The following GUCY2F variants were observed in gnomAD, a reference collection of about 807,000 sequenced individuals.
The protein encoded by GUCY2F is retinal guanylyl cyclase 2.
Under a neutral mutation model 73.1 loss-of-function variants are expected in GUCY2F, and 61 were observed. The observed-to-expected ratio is 0.83, with a 90% CI of 0.68 to 1.03. GUCY2F has a LOEUF of 1.03. Among genes scored for constraint, GUCY2F ranks in the 50% least tolerant of loss-of-function variants. The probability of loss-of-function intolerance (pLI) is 0.00; values close to 1 mark genes in which losing one functional copy is unlikely to be tolerated. For missense variants in GUCY2F, 912 were observed against 854.3 expected (o/e 1.07, Z -0.84); for synonymous variants, 331 against 307.8 (o/e 1.08, Z -0.79).
chrX:109,411,247 T>A (rs1402144900), intron 8 of GUCY2F, among the ~76,000 whole-genome samples: 1 of 86,199 alleles, frequency 1.2e-5, no homozygotes, highest in African/African-American at 4.8e-5. Flanking sequence ...TCATAGTTAC[T>A]CCATTTTCAA....
At chrX:109,442,380 C>G (rs1931894460) in intron 6 of GUCY2F, among the ~76,000 whole-genome samples, 1 of 111,090 alleles carries the variant, frequency 9.0e-6, no homozygotes, top group Non-Finnish European at 1.9e-5. Flanking sequence ...GTGCCCCTAC[C>G]CTCAACTCCA....
At chrX:109,381,265 C>T (rs1283254277) in intron 17 of GUCY2F, among the ~76,000 whole-genome samples, 1 of 112,125 alleles carries the variant, frequency 8.9e-6, no homozygotes, top group Non-Finnish European at 1.9e-5. Context: ...AAAATAGTCA[C>T]TGAGAAAATC....
chrX:109,448,221 A>G, intron 5 of GUCY2F, 56 bp from the exon 6 acceptor site: 1 of 619,224 alleles, frequency 1.6e-6, no homozygotes, highest in Non-Finnish European at 2.7e-6. Context: ...TGGCAAAGCC[A>G]GGGTTAATTT....
chrX:109,465,258 C>T lies in GUCY2F; in HGVS notation c.916G>A (p.Glu306Lys), dbSNP rs1932443044. 1 of 1,209,805 alleles carries T rather than the reference C, an allele frequency of 8.3e-7. No homozygotes were observed. The highest frequency in any genetic ancestry group is 1.1e-6 in the Non-Finnish European group (1 of 893,781). The change falls in exon 3 of 20, where the codon GAA becomes AAA. Residue 306 changes from glutamate (E) to lysine (K), a missense_variant. Glu to Lys is a moderately conservative substitution (Grantham distance 56). Coordinates refer to ENST00000218006, the MANE Select transcript of GUCY2F (RefSeq NM_001522.3). ...ATGGTCAACACTGCATCATAGGCTT[C>T]CCGGAGCTTTGGGTTGTTCCTTAGG... Reference protein sequence around the residue: ...RVLRNNPKLREAYDAVLTITV... With the variant: ...RVLRNNPKLRKAYDAVLTITV...
intron 12 of GUCY2F, among the ~76,000 whole-genome samples, chrX:109,394,581 A>T (rs764223606): frequency 4.0e-4 from 45 of 112,209 alleles, no homozygotes; most frequent in Non-Finnish European, 7.1e-4. Flanking sequence ...CTGACACAGC[A>T]CTCATGGTGA....
chrX:109,433,056 G>T (rs1168154177), intron 7 of GUCY2F, among the ~76,000 whole-genome samples: 2 of 112,016 alleles, frequency 1.8e-5, no homozygotes, highest in Admixed American at 1.9e-4. Flanking sequence ...TGCCCACTTT[G>T]GTACCACTCA....
intron 11 of GUCY2F, among the ~76,000 whole-genome samples, chrX:109,397,046 A>T (rs778420988): frequency 1.8e-5 from 2 of 112,153 alleles, no homozygotes; most frequent in Admixed American, 1.9e-4. Flanking sequence ...TGAGATAGGC[A>T]CTTGTGAGTA....
In GUCY2F at chrX:109,466,400, C is replaced by T. The variant is rs1054339665; in HGVS notation, c.731-957G>A. On this transcript the variant is annotated intron_variant, in intron 2 of 19. Transcript: ENST00000218006. The stretch of plus-strand genomic sequence containing the variant: ...TGTCCAACTTTTTAAAATCTAACTT[C>T]CCTGTAATTGAAATTACTATGGACT... Among the ~76,000 whole-genome samples, 6 of 111,348 alleles carry T rather than the reference C, an allele frequency of 5.4e-5. No homozygotes were observed. In the South Asian group the frequency reaches 1.1e-3, roughly 21 times the overall value.
intron 10 of GUCY2F, among the ~76,000 whole-genome samples, chrX:109,400,133 T>C (rs1017016356): frequency 9.3e-6 from 1 of 107,987 alleles, no homozygotes; most frequent in African/African-American, 3.4e-5. Flanking sequence ...ACAAGCTGGA[T>C]TGAAGGAGAG....
chrX:109,449,823 T>A (rs1932099140), intron 5 of GUCY2F, among the ~76,000 whole-genome samples: 2 of 111,735 alleles, frequency 1.8e-5, no homozygotes, highest in South Asian at 3.8e-4. Flanking sequence ...GGCGATGCAA[T>A]CTGGTTCCAG....
rs761121649 is a variant in GUCY2F at position 109,392,971 on chromosome X, C to A, written c.2509G>T (p.Asp837Tyr). 5 of 1,148,500 alleles carry A rather than the reference C, an allele frequency of 4.4e-6. No individual in the cohort carries two copies. The highest frequency in any genetic ancestry group is 1.2e-6 in the Non-Finnish European group (1 of 839,667). 94.6% of individuals were successfully genotyped at this position (1,148,500 alleles called of 1,213,427 possible). A position where few individuals can be genotyped will look rare whatever the true frequency, so the allele number is the denominator to read the frequency against. ...MLEQYSSNLE[D>Y]LIRERTEELE... ...TCTTCAGTCCGCTCCCGAATCAAAT[C>A]TTCCAAGTTGCTAGAATATTGCTCC... Residue 837 changes from aspartate to tyrosine, a missense_variant, in exon 13 of 20, where the codon GAT becomes TAT. Transcript: ENST00000218006.
chrX:109,392,142 T>TC (rs1930580149), intron 13 of GUCY2F, 39 bp from the exon 14 acceptor site: 1 of 1,010,846 alleles, frequency 9.9e-7, no homozygotes, highest in Non-Finnish European at 1.4e-6. Context: ...ATGACACTGG[T>TC]CCCCCTTCAT....
In GUCY2F at chrX:109,441,463, A is replaced by G. The variant is rs747499694; in HGVS notation, c.1589T>C (p.Val530Ala). ...GACCTCTGAGGTAATCTGGAAGCTT[A>G]CACTGGCACGACTTCCTCTCTGTGA... The part of the protein sequence containing the change: ...FGSKRGSRAS[V>A]SFQITSEVQS... Residue 530 changes from valine to alanine, a missense_variant, in exon 7 of 20, where the codon GTA becomes GCA. Transcript: ENST00000218006. 8.5e-7 allele frequency: 1 copy of G among 1,182,392 alleles called. No homozygotes were observed. The highest frequency in any genetic ancestry group is 1.1e-6 in the Non-Finnish European group (1 of 879,613).
chrX:109,426,075 A>C (rs1436696787), intron 8 of GUCY2F, among the ~76,000 whole-genome samples: 2 of 112,281 alleles, frequency 1.8e-5, no homozygotes, highest in Non-Finnish European at 3.8e-5. Flanking sequence ...ACTTTGCTGC[A>C]TAACTTTCTG....
At chrX:109,405,124 T>C (rs1313603236) in intron 9 of GUCY2F, among the ~76,000 whole-genome samples, 1 of 112,120 alleles carries the variant, frequency 8.9e-6, no homozygotes, top group African/African-American at 3.2e-5. Flanking sequence ...TGTATGTAGC[T>C]GACATAGAAA....
intron 8 of GUCY2F, among the ~76,000 whole-genome samples, chrX:109,413,025 C>A (rs1030693364): frequency 8.9e-6 from 1 of 112,312 alleles, no homozygotes; most frequent in African/African-American, 3.2e-5. Context: ...AATTAAACTT[C>A]TGCTGTGTTT....
Position 109,392,747 on chromosome X carries a change from G to A in GUCY2F, c.2588+145C>T, listed in dbSNP as rs1027953168. 8 of 397,743 alleles carry A rather than the reference G, an allele frequency of 2.0e-5. No homozygotes were observed. The Admixed American group carries it at 3.3e-4, about 16-fold the overall frequency. The allele number at this position is 397,743 out of a possible 1,213,427, so 32.8% of individuals were successfully genotyped here. A position where few individuals can be genotyped will look rare whatever the true frequency, so the allele number is the denominator to read the frequency against. On this transcript the variant is annotated intron_variant, in intron 13 of 19. Coordinates refer to ENST00000218006, the MANE Select transcript of GUCY2F (RefSeq NM_001522.3). ...TCCAATTTTACTTTGATTTAAAGGT[G>A]TGACTAAAGCCCACTAGGAGAAGAG...
chrX:109,474,296 G>C (rs1932635150), intron 2 of GUCY2F, among the ~76,000 whole-genome samples: 1 of 111,799 alleles, frequency 8.9e-6, no homozygotes, highest in Admixed American at 9.5e-5. Context: ...CTGCAGTGGG[G>C]GAATGAGCAG....
At chrX:109,471,662 G>A (rs770803645) in intron 2 of GUCY2F, among the ~76,000 whole-genome samples, 2 of 112,374 alleles carry the variant, frequency 1.8e-5, no homozygotes, top group African/African-American at 3.2e-5. Flanking sequence ...CTTTGTCAAA[G>A]CAAAGAAATA....
Sources: allele counts gnomAD v4.1 joint callset (sites outside exome capture counted in the v4.1 genomes callset), GRCh38; gene constraint gnomAD v4.1.1; transcripts MANE v1.5; gene names NCBI Gene and HGNC (gene_info 2026-07-23, HGNC 2026-07-21).